Variants in COMT observed in about 807,000 individuals in gnomAD.
The protein encoded by COMT is catechol O-methyltransferase.
Under a neutral mutation model 18.9 loss-of-function variants are expected in COMT, and 13 were observed. That is an observed-to-expected ratio of 0.69 (90% CI 0.45 to 1.09). The LOEUF is 1.09. Ranked by LOEUF, COMT falls within the 50% of genes least tolerant of loss-of-function variation. The pLI is 0.00. For synonymous variants in COMT, 150 were observed against 160.9 expected (o/e 0.93, Z 0.51); for missense variants, 329 against 361.8 (o/e 0.91, Z 0.73).
Position 19,968,544 on chromosome 22 carries a change from C to A in COMT, c.624C>A (p.Gly208=). The A allele has an allele frequency of 5.0e-6, 8 of 1,613,834 alleles. No homozygotes were observed. The highest frequency in any genetic ancestry group is 6.8e-6 in the Non-Finnish European group (8 of 1,179,914). ...LPDTLLLEEC[G]LLRKGTVLLA... ...CCCCGGTCTGTTTGCAGGAATGTGG[C>A]CTGCTGCGGAAGGGGACAGTGCTAC... Residue 208 remains glycine, a synonymous_variant, in exon 6 of 6, where the codon GGC becomes GGA. Coordinates refer to ENST00000361682, the MANE Select transcript of COMT (RefSeq NM_000754.4).
chr22:19,953,929 G>A (rs753176422), intron 1 of COMT, among the ~76,000 whole-genome samples: 5 of 152,168 alleles, frequency 3.3e-5, no homozygotes, highest in Admixed American at 6.5e-5. Flanking sequence ...AGGATAAAGC[G>A]AATGTGCGAC....
In COMT at chr22:19,963,965, G is replaced by C; in HGVS notation, c.484-203G>C. The C allele has an allele frequency of 1.3e-5, 16 of 1,211,976 alleles. 1 individual carries two copies. In the South Asian group the frequency reaches 2.1e-4, roughly 16 times the overall value. 75.1% of individuals were successfully genotyped at this position (1,211,976 alleles called of 1,614,324 possible). The stretch of plus-strand genomic sequence containing the variant: ...AGGGTCTCACAGCTCTGGGTAAACT[G>C]CCAAGGTGGCACCAGGAGGGGCAGG... On this transcript the variant is annotated intron_variant, in intron 4 of 5. Coordinates refer to ENST00000361682, the MANE Select transcript of COMT (RefSeq NM_000754.4).
At chr22:19,953,892 C>T (rs933917304) in intron 1 of COMT, among the ~76,000 whole-genome samples, 6 of 152,098 alleles carry the variant, frequency 3.9e-5, no homozygotes, top group African/African-American at 7.2e-5. Context: ...AAGGCAGAAT[C>T]GGATGTGACC....
intron 5 of COMT, among the ~76,000 whole-genome samples, chr22:19,966,403 C>T (rs1013779046): frequency 1.3e-4 from 20 of 150,602 alleles, no homozygotes; most frequent in Admixed American, 1.3e-3. Flanking sequence ...CAAGTCCAGC[C>T]CATGCCCAAA....
chr22:19,966,117 T>C (rs1021154955), intron 5 of COMT, among the ~76,000 whole-genome samples: 3 of 152,162 alleles, frequency 2.0e-5, no homozygotes, highest in Non-Finnish European at 2.9e-5. Context: ...TGCGCAAAGC[T>C]GGTAATTATC....
chr22:19,941,870 C>A lies in COMT; in HGVS notation c.-119C>A. Reference sequence around the variant, plus strand: ...TGCCTGCGCCGGACCGGGGCGGGTCCAGTCCCGGGCGGGCCGTCGCGGGAG... The same window carrying A: ...TGCCTGCGCCGGACCGGGGCGGGTCAAGTCCCGGGCGGGCCGTCGCGGGAG... On this transcript the variant is annotated 5_prime_UTR_variant, in exon 1 of 6. Transcript: ENST00000361682. The A allele has an allele frequency of 7.1e-7, 1 of 1,403,498 alleles. No homozygotes were observed. Among genetic ancestry groups the A allele is most frequent in the Non-Finnish European group, 9.2e-7 (1 of 1,086,056 alleles). The allele number at this position is 1,403,498 out of a possible 1,614,324, so 86.9% of individuals were successfully genotyped here. A position where few individuals can be genotyped will look rare whatever the true frequency, so the allele number is the denominator to read the frequency against.
Position 19,964,289 on chromosome 22 carries a change from T to A in COMT, c.605T>A (p.Leu202His), listed in dbSNP as rs568878213. 6.2e-7 allele frequency: 1 copy of A among 1,614,028 alleles called. No individual in the cohort carries two copies. The highest frequency in any genetic ancestry group is 1.1e-5 in the South Asian group (1 of 91,090). Residue 202 changes from leucine to histidine, a missense_variant, in exon 5 of 6, where the codon CTT becomes CAT. Transcript: ENST00000361682. The stretch of plus-strand genomic sequence containing the variant: ...AAGGACCGGTACCTGCCGGACACGC[T>A]TCTCTTGGAGGTGAGCCCCAACCAG... ...HWKDRYLPDT[L>H]LLEECGLLRK...
At chr22:19,966,972 A>AT in intron 5 of COMT, 1 of 985,388 alleles carries the variant, frequency 1.0e-6, no homozygotes, top group Non-Finnish European at 1.2e-6. Flanking sequence ...ACGCTGATGC[A>AT]TGTTTAGCCA....
At chr22:19,962,369 G>T in intron 2 of COMT, 158 bp from the exon 3 acceptor site, 1 of 1,336,698 alleles carries the variant, frequency 7.5e-7, no homozygotes, top group East Asian at 2.5e-5. Context: ...TGGCTCCCTG[G>T]CGCTGACACG....
rs78977979 is a variant in COMT at position 19,962,441 on chromosome 22, G to T, written c.1-86G>T. The T allele has an allele frequency of 2.0e-6, 3 of 1,536,388 alleles. No homozygotes were observed. The South Asian group carries it at 3.6e-5, about 18-fold the overall frequency. ...CTTGCCCCTCTGCAAACACAAGGGG[G>T]CGATGGTGGCACTCCAAGCAAAGGG... On this transcript the variant is annotated intron_variant, in intron 2 of 5. Transcript: ENST00000361682.
intron 1 of COMT, among the ~76,000 whole-genome samples, chr22:19,946,579 A>G (rs1941838806): frequency 6.6e-6 from 1 of 152,218 alleles, no homozygotes; most frequent in Non-Finnish European, 1.5e-5. Flanking sequence ...AAGATGAAGC[A>G]CTTTGCCCTG....
At chr22:19,964,545 G>A in intron 5 of COMT, 1 of 644,052 alleles carries the variant, frequency 1.6e-6, no homozygotes, top group Non-Finnish European at 2.8e-6. Context: ...CCAGCTGCCT[G>A]TGCAGGTGCA....
chr22:19,950,251 T>TC, intron 1 of COMT, among the ~76,000 whole-genome samples: 1 of 134,598 alleles, frequency 7.4e-6, no homozygotes, highest in East Asian at 2.1e-4. Flanking sequence ...CTTTTTTTTT[T>TC]TTTTTTTTTT....
intron 4 of COMT, 179 bp from the exon 5 acceptor site, chr22:19,963,989 G>A: frequency 2.3e-6 from 3 of 1,313,602 alleles, no homozygotes; most frequent in Non-Finnish European, 2.1e-6. Context: ...AGGAGGGGCA[G>A]GGACAGAGTG....
intron 1 of COMT, among the ~76,000 whole-genome samples, chr22:19,958,449 G>GCCA (rs1942113405): frequency 6.6e-6 from 1 of 151,876 alleles, no homozygotes; most frequent in Non-Finnish European, 1.5e-5. Flanking sequence ...ACAGTCATGA[G>GCCA]CCACCAGGTC....
intron 5 of COMT, among the ~76,000 whole-genome samples, chr22:19,968,019 G>A (rs1942515778): frequency 6.6e-6 from 1 of 152,184 alleles, no homozygotes; most frequent in South Asian, 2.1e-4. Context: ...GTCTGCAAAT[G>A]CAGGAGCTTG....
intron 2 of COMT, among the ~76,000 whole-genome samples, 162 bp downstream of exon 2, chr22:19,961,451 G>A (rs939815331): frequency 6.6e-6 from 1 of 152,204 alleles, no homozygotes; most frequent in Non-Finnish European, 1.5e-5. Flanking sequence ...CCTCCCCCTA[G>A]GGCGGAGCCT....
At chr22:19,968,304 TTGA>T (rs1942534224) in intron 5 of COMT, among the ~76,000 whole-genome samples, 1 of 151,942 alleles carries the variant, frequency 6.6e-6, no homozygotes, top group South Asian at 2.1e-4. Context: ...GATACAGGAG[TTGA>T]TGAGAGAAAG....
chr22:19,969,423 G>T lies in COMT; in HGVS notation c.*687G>T. The T allele has an allele frequency of 6.5e-6, 1 of 152,678 alleles. No homozygotes were observed. The highest frequency in any genetic ancestry group is 1.5e-5 in the Non-Finnish European group (1 of 68,358). 9.5% of individuals were successfully genotyped at this position (152,678 alleles called of 1,614,324 possible). A position where few individuals can be genotyped will look rare whatever the true frequency, so the allele number is the denominator to read the frequency against. On this transcript the variant is annotated 3_prime_UTR_variant, in exon 6 of 6. Coordinates refer to ENST00000361682, the MANE Select transcript of COMT (RefSeq NM_000754.4). ...CCACTGGGCCTTGCTTACAGAAGAG[G>T]CAATGGCTCAGACCAGCTCCCGCAT...
Sources: gnomAD v4.1 joint callset for allele counts (sites outside exome capture counted in the v4.1 genomes callset) on GRCh38, gnomAD v4.1.1 for gene constraint, MANE v1.5 for transcripts, NCBI Gene and HGNC (gene_info 2026-07-23, HGNC 2026-07-21) for gene names.